The following DIAPH2 variants were observed in gnomAD, a reference collection of about 807,000 sequenced individuals.
DIAPH2 encodes diaphanous related formin 2.
A neutral mutation model predicts 92.7 loss-of-function variants in DIAPH2; 35 were observed. That is an observed-to-expected ratio of 0.38 (90% CI 0.29 to 0.50). The LOEUF (loss-of-function observed/expected upper bound fraction) is 0.50. DIAPH2 is among the 20% of genes least tolerant of loss of function. DIAPH2 has a pLI of 0.94. For synonymous variants in DIAPH2, 301 were observed against 280.4 expected (o/e 1.07, Z -0.73); for missense variants, 701 against 819.5 (o/e 0.86, Z 1.77).
intron 19 of DIAPH2, among the ~76,000 whole-genome samples, chrX:97,091,197 A>G (rs2066822379): frequency 9.0e-6 from 1 of 111,002 alleles, no homozygotes; most frequent in Non-Finnish European, 1.9e-5. Flanking sequence ...ACTTTTTTGT[A>G]TACCTTTCTT....
intron 26 of DIAPH2, among the ~76,000 whole-genome samples, chrX:97,597,054 A>AT (rs1393384333): frequency 8.9e-6 from 1 of 112,191 alleles, no homozygotes; most frequent in Non-Finnish European, 1.9e-5. Flanking sequence ...TTCTAATGAT[A>AT]TTTTTTTCAT....
intron 4 of DIAPH2, among the ~76,000 whole-genome samples, chrX:96,877,409 A>G (rs1309267324): frequency 8.9e-6 from 1 of 111,947 alleles, no homozygotes; most frequent in Non-Finnish European, 1.9e-5. Context: ...ATGGTCAATA[A>G]CACTAACAAA....
intron 25 of DIAPH2, among the ~76,000 whole-genome samples, chrX:97,400,095 G>T (rs763821653): frequency 8.9e-6 from 1 of 112,415 alleles, no homozygotes; most frequent in Non-Finnish European, 1.9e-5. Context: ...TGTGTGCTAT[G>T]GTAGGTGTGG....
intron 26 of DIAPH2, among the ~76,000 whole-genome samples, chrX:97,565,972 G>A: frequency 8.9e-6 from 1 of 111,915 alleles, no homozygotes; most frequent in Non-Finnish European, 1.9e-5. Flanking sequence ...ATCTTTCAAA[G>A]GCTTGTTTAC....
intron 23 of DIAPH2, among the ~76,000 whole-genome samples, chrX:97,292,548 A>AT (rs770697641): frequency 0.044 from 4,115 of 94,548 alleles, 135 homozygotes; most frequent in African/African-American, 0.11. Context: ...TTAATACCCA[A>AT]TTTTTTTTTT....
At chrX:96,902,808 C>A (rs2065407015) in intron 5 of DIAPH2, among the ~76,000 whole-genome samples, 1 of 111,316 alleles carries the variant, frequency 9.0e-6, no homozygotes, top group South Asian at 3.7e-4. Flanking sequence ...TATATAAAAA[C>A]AAGAAAAGAC....
chrX:96,716,744 G>C (rs2063952556), intron 1 of DIAPH2, among the ~76,000 whole-genome samples: 1 of 111,366 alleles, frequency 9.0e-6, no homozygotes, highest in South Asian at 3.8e-4. Flanking sequence ...CCATAGTGTT[G>C]GGTCTTCTCT....
At chrX:96,887,956 T>A (rs1405509552) in intron 5 of DIAPH2, among the ~76,000 whole-genome samples, 1 of 110,564 alleles carries the variant, frequency 9.0e-6, no homozygotes, top group Non-Finnish European at 1.9e-5. Flanking sequence ...GTGTATGTGT[T>A]GTGCGTGTGT....
intron 4 of DIAPH2, among the ~76,000 whole-genome samples, chrX:96,763,718 T>C (rs758598552): frequency 3.3e-4 from 37 of 111,654 alleles, no homozygotes; most frequent in Middle Eastern, 9.3e-3. Flanking sequence ...TTAAAGGTTT[T>C]ATATTCAAGG....
rs745538573 is a variant in DIAPH2 at position 96,805,838 on chromosome X, T to C, written c.447+47580T>C. On this transcript the variant is annotated intron_variant, in intron 4 of 26. Transcript: ENST00000324765. ...AAATCCTAGGTAATGTATAGCTGTG[T>C]AACAGTGACTCTTTGGAAACGTTTC... Among the ~76,000 whole-genome samples the C allele has an allele frequency of 3.6e-4, 40 of 112,303 alleles. 1 individual carries two copies. The highest frequency in any genetic ancestry group is 1.2e-3 in the African/African-American group (37 of 30,948).
At chrX:97,046,337 A>T (rs2032291391) in intron 17 of DIAPH2, among the ~76,000 whole-genome samples, 1 of 110,869 alleles carries the variant, frequency 9.0e-6, no homozygotes, top group African/African-American at 3.3e-5. Flanking sequence ...TGATAGGAGG[A>T]TCCTTTTCTC....
At chrX:96,872,439 C>CT (rs1388993466) in intron 4 of DIAPH2, among the ~76,000 whole-genome samples, 16 of 108,573 alleles carry the variant, frequency 1.5e-4, no homozygotes, top group African/African-American at 5.4e-4. Context: ...GGATCTCATT[C>CT]TTTTTTATGG....
intron 16 of DIAPH2, among the ~76,000 whole-genome samples, chrX:96,962,378 TACACATATATATACACATATATATAC>T (rs1569436574): frequency 1.7e-4 from 11 of 64,108 alleles, no homozygotes; most frequent in African/African-American, 6.8e-4. Flanking sequence ...CATATATATA[TACACATATATATACACATATATATAC>T]ACATATATAT....
chrX:96,948,846 A>C, intron 14 of DIAPH2, 89 bp from the exon 15 acceptor site: 1 of 477,252 alleles, frequency 2.1e-6, no homozygotes, highest in Non-Finnish European at 3.2e-6. Context: ...CAACTAAGTA[A>C]AAACCACTCC....
At chrX:96,755,449 C>T (rs976317696) in intron 3 of DIAPH2, among the ~76,000 whole-genome samples, 2 of 110,708 alleles carry the variant, frequency 1.8e-5, no homozygotes, top group Non-Finnish European at 3.8e-5. Context: ...ATCAGGAGAT[C>T]GAGATCATCC....
chrX:97,208,747 T>A (rs2067817016), intron 22 of DIAPH2, among the ~76,000 whole-genome samples: 1 of 111,622 alleles, frequency 9.0e-6, no homozygotes, highest in Non-Finnish European at 1.9e-5. Flanking sequence ...CAGAATTAAG[T>A]GGACTATTAT....
intron 1 of DIAPH2, among the ~76,000 whole-genome samples, chrX:96,695,278 G>C (rs996562691): frequency 1.8e-5 from 2 of 112,364 alleles, no homozygotes; most frequent in Non-Finnish European, 3.8e-5. Flanking sequence ...AGCTGTTACA[G>C]GGAAGAATAA....
At chrX:97,435,784 A>G (rs1177216559) in intron 26 of DIAPH2, among the ~76,000 whole-genome samples, 1 of 109,154 alleles carries the variant, frequency 9.2e-6, no homozygotes, top group Admixed American at 9.8e-5. Context: ...AGGAGTGAAA[A>G]TGACTCTTTT....
intron 19 of DIAPH2, among the ~76,000 whole-genome samples, chrX:97,083,121 C>A (rs1052770531): frequency 2.1e-4 from 23 of 111,597 alleles, no homozygotes; most frequent in Non-Finnish European, 3.8e-4. Flanking sequence ...TCTAGATATC[C>A]TCCTATGTAA....
Sources: gnomAD v4.1 joint callset for allele counts (sites outside exome capture counted in the v4.1 genomes callset) on GRCh38, gnomAD v4.1.1 for gene constraint, MANE v1.5 for transcripts, NCBI Gene and HGNC (gene_info 2026-07-23, HGNC 2026-07-21) for gene names.